The following RBFOX1 variants were observed in gnomAD, a reference collection of about 807,000 sequenced individuals.
The protein encoded by RBFOX1 is RNA binding fox-1 homolog 1.
A neutral mutation model predicts 57.7 loss-of-function variants in RBFOX1; 8 were observed. That is an observed-to-expected ratio of 0.14 (90% CI 0.08 to 0.25). The LOEUF (loss-of-function observed/expected upper bound fraction) is 0.25, where lower values mean the gene tolerates loss of function less well. RBFOX1 is among the 10% of genes least tolerant of loss of function. The probability of loss-of-function intolerance (pLI) is 1.00; values close to 1 mark genes in which losing one functional copy is unlikely to be tolerated. For synonymous variants in RBFOX1, 326 were observed against 222.4 expected, an observed-to-expected ratio of 1.47 and a Z score of -4.15; for missense variants, 611 against 548.5, an observed-to-expected ratio of 1.11 and a Z score of -1.14.
Position 6,356,596 on chromosome 16 carries a change from G to A in RBFOX1, c.-64+39539G>A, listed in dbSNP as rs148484495. On this transcript the variant is annotated intron_variant, in intron 2 of 15. Coordinates refer to ENST00000550418, the MANE Select transcript of RBFOX1 (RefSeq NM_018723.4). ...TACCTGAGCAGTACATCTTACAACC[G>A]TCAAGGTCTTCAAAAATAAAGAAAA... Among the ~76,000 whole-genome samples, 53 of 152,180 alleles carry A rather than the reference G, an allele frequency of 3.5e-4. 2 individuals are homozygous for A. In the East Asian group the frequency reaches 7.4e-3, roughly 21 times the overall value.
At chr16:6,625,297 G>A (rs897581438) in intron 2 of RBFOX1, among the ~76,000 whole-genome samples, 5 of 151,584 alleles carry the variant, frequency 3.3e-5, no homozygotes, top group South Asian at 4.2e-4. Flanking sequence ...GAATAGAGTC[G>A]ATTTAAATTA....
At chr16:7,480,810 T>C (rs751968028) in intron 4 of RBFOX1, among the ~76,000 whole-genome samples, 6 of 152,170 alleles carry the variant, frequency 3.9e-5, no homozygotes, top group East Asian at 1.9e-4. Context: ...TTGGCACTTA[T>C]GGAGGAAGCA....
intron 3 of RBFOX1, among the ~76,000 whole-genome samples, chr16:6,824,408 A>G (rs72766762): frequency 0.066 from 10,054 of 152,278 alleles, 491 homozygotes; most frequent in Non-Finnish European, 0.11. Flanking sequence ...ATTCCATGTC[A>G]AAGACTGTAA....
intron 1 of RBFOX1, among the ~76,000 whole-genome samples, chr16:6,297,860 G>A (rs978538389): frequency 6.6e-6 from 1 of 152,142 alleles, no homozygotes; most frequent in African/African-American, 2.4e-5. Flanking sequence ...AACGCCAGAG[G>A]AAGATCATCT....
chr16:6,212,492 G>T (rs1484675645), intron 1 of RBFOX1, among the ~76,000 whole-genome samples: 1 of 152,082 alleles, frequency 6.6e-6, no homozygotes, highest in African/African-American at 2.4e-5. Flanking sequence ...GATCACTTGA[G>T]GTCAGGAGAT....
At chr16:7,187,688 CACAAAAAAAAAAAAAAAAA>C (rs1182802344) in intron 4 of RBFOX1, among the ~76,000 whole-genome samples, 3 of 43,218 alleles carry the variant, frequency 6.9e-5, no homozygotes, top group African/African-American at 2.2e-4. Flanking sequence ...GACTCTGTCT[CACAAAAAAAAAAAAAAAAA>C]AAAAAAAAAA....
intron 4 of RBFOX1, among the ~76,000 whole-genome samples, chr16:5,987,573 T>C (rs1012766569): frequency 2.0e-5 from 3 of 152,160 alleles, no homozygotes; most frequent in African/African-American, 7.2e-5. Flanking sequence ...CATGTGGGCA[T>C]GTGCCTGTTT....
chr16:5,952,030 T>C (rs974605997), intron 4 of RBFOX1, among the ~76,000 whole-genome samples: 3 of 151,276 alleles, frequency 2.0e-5, no homozygotes, highest in Non-Finnish European at 4.4e-5. Flanking sequence ...CACACACACA[T>C]ATATATAGAC....
At chr16:5,924,159 C>G (rs773892674) in intron 4 of RBFOX1, among the ~76,000 whole-genome samples, 1 of 152,144 alleles carries the variant, frequency 6.6e-6, no homozygotes, top group African/African-American at 2.4e-5. Flanking sequence ...TTCTCCTTTG[C>G]CTTCTGCCAT....
At chr16:7,498,546 C>G (rs1014212281) in intron 4 of RBFOX1, among the ~76,000 whole-genome samples, 1 of 151,952 alleles carries the variant, frequency 6.6e-6, no homozygotes, top group Non-Finnish European at 1.5e-5. Flanking sequence ...CAATATATAA[C>G]CAAGCATAAT....
At chr16:5,906,219 C>G (rs147152681) in intron 4 of RBFOX1, among the ~76,000 whole-genome samples, 15 of 152,218 alleles carry the variant, frequency 9.9e-5, no homozygotes, top group Admixed American at 3.3e-4. Flanking sequence ...AAATAGGGTT[C>G]TTGTAGATAC....
chr16:6,658,928 GT>G (rs981949678), intron 3 of RBFOX1, among the ~76,000 whole-genome samples: 1 of 87,564 alleles, frequency 1.1e-5, no homozygotes, highest in African/African-American at 4.3e-5. Context: ...TTGTTTTTTG[GT>G]TTTTTTGTTT....
At chr16:5,999,876 A>G (rs1203774919) in intron 4 of RBFOX1, among the ~76,000 whole-genome samples, 3 of 24,454 alleles carry the variant, frequency 1.2e-4, no homozygotes, top group Non-Finnish European at 2.1e-4. Flanking sequence ...TCAAAAAAAA[A>G]AAAAAAAAAA....
At chr16:6,876,457 C>T (rs952584295) in intron 3 of RBFOX1, among the ~76,000 whole-genome samples, 2 of 152,098 alleles carry the variant, frequency 1.3e-5, no homozygotes, top group Non-Finnish European at 2.9e-5. Flanking sequence ...TATCAAAAAT[C>T]ACCACCTTGG....
Position 5,265,799 on chromosome 16 carries a change from G to A in RBFOX1, c.219+25694G>A, listed in dbSNP as rs180773484. On this transcript the variant is annotated intron_variant, in intron 1 of 2. Coordinates refer to the RBFOX1 transcript ENST00000585867. ...AATGGTGCGTTTCTCCTGTTCGGGGGACTGTGCTTTTATGGTGGAGTTTGC... is the reference window on the plus strand; with the variant it reads ...AATGGTGCGTTTCTCCTGTTCGGGGAACTGTGCTTTTATGGTGGAGTTTGC... 2.9e-3 allele frequency among the ~76,000 whole-genome samples: 439 copies of A among 152,262 alleles called. 1 individual carries two copies. The highest frequency in any genetic ancestry group is 4.9e-3 in the Admixed American group (75 of 15,290).
chr16:6,157,676 A>G (rs1213306995), intron 1 of RBFOX1, among the ~76,000 whole-genome samples: 1 of 152,174 alleles, frequency 6.6e-6, no homozygotes, highest in Admixed American at 6.5e-5. Context: ...CAAGTTATAT[A>G]TATATGCCCA....
chr16:5,665,130 A>T (rs1048894945), intron 3 of RBFOX1, among the ~76,000 whole-genome samples: 3 of 74,986 alleles, frequency 4.0e-5, no homozygotes, highest in African/African-American at 7.3e-5. Flanking sequence ...ATATTTTTAC[A>T]TGGGGGGGGG....
chr16:5,465,669 G>A (rs2068930349), intron 1 of RBFOX1, among the ~76,000 whole-genome samples: 1 of 152,172 alleles, frequency 6.6e-6, no homozygotes, highest in African/African-American at 2.4e-5. Flanking sequence ...ATGGTCATGG[G>A]CTCATCTAAG....
At chr16:7,225,283 G>A (rs944860033) in intron 4 of RBFOX1, among the ~76,000 whole-genome samples, 5 of 152,018 alleles carry the variant, frequency 3.3e-5, no homozygotes, top group East Asian at 1.9e-4. Context: ...TAATTCCTAC[G>A]TGTTGTGGGA....
Sources: gnomAD v4.1 joint callset for allele counts (sites outside exome capture counted in the v4.1 genomes callset) on GRCh38, gnomAD v4.1.1 for gene constraint, MANE v1.5 for transcripts, NCBI Gene and HGNC (gene_info 2026-07-23, HGNC 2026-07-21) for gene names.